Variants in ENPEP observed in about 807,000 individuals in gnomAD.
ENPEP encodes glutamyl aminopeptidase, also known as AP-A.
A neutral mutation model predicts 114.5 loss-of-function variants in ENPEP; 103 were observed. The ratio of observed to expected loss-of-function variants is 0.90; its 90% CI spans 0.77 to 1.06. The LOEUF is 1.06. ENPEP is among the 50% of genes least tolerant of loss of function. The pLI is 0.00. For missense variants in ENPEP, 1,196 were observed against 1,161.3 expected (o/e 1.03, Z -0.43); for synonymous variants, 420 against 422.0 (o/e 1.00, Z 0.06).
In ENPEP at chr4:110,553,965, T is replaced by C. The variant is rs566462486; in HGVS notation, c.2642+510T>C. Among the ~76,000 whole-genome samples the C allele has an allele frequency of 2.0e-5, 3 of 152,118 alleles. No homozygotes were observed. In the South Asian group the frequency reaches 6.2e-4, roughly 31 times the overall value. On this transcript the variant is annotated intron_variant, in intron 18 of 19. Coordinates refer to ENST00000265162, the MANE Select transcript of ENPEP (RefSeq NM_001977.4). ...ATTATATTTCCTAGGCAATAGAACT[T>C]TTAAAATGGGAAATAGCAAGGACAA...
At chr4:110,519,987 C>T (rs750149479) in intron 8 of ENPEP, 21 bp from the exon 9 acceptor site, 1 of 1,605,584 alleles carries the variant, frequency 6.2e-7, no homozygotes, top group Non-Finnish European at 8.5e-7. Flanking sequence ...TTCTAACATG[C>T]TGATTATTTT....
intron 14 of ENPEP, 115 bp downstream of exon 14, chr4:110,548,441 G>A (rs776017453): frequency 6.0e-6 from 5 of 826,666 alleles, no homozygotes; most frequent in Admixed American, 3.4e-5. Context: ...TTGCCAGGTG[G>A]AATCAAAAGA....
chr4:110,485,012 A>T (rs1362195937), intron 1 of ENPEP, among the ~76,000 whole-genome samples: 2 of 152,066 alleles, frequency 1.3e-5, no homozygotes, highest in Non-Finnish European at 2.9e-5. Context: ...TCTTGCAAGG[A>T]GTGACTTTTC....
intron 3 of ENPEP, among the ~76,000 whole-genome samples, chr4:110,503,168 C>T (rs918048531): frequency 1.2e-4 from 19 of 152,156 alleles, no homozygotes; most frequent in African/African-American, 3.9e-4. Flanking sequence ...GGTTTTTTGT[C>T]CTTGTGACAG....
chr4:110,518,551 C>G (rs535862272), intron 8 of ENPEP, among the ~76,000 whole-genome samples: 49 of 152,242 alleles, frequency 3.2e-4, no homozygotes, highest in African/African-American at 1.2e-3. Context: ...AAAATTAGTA[C>G]CTTTTAATAT....
chr4:110,561,420 T>C lies in ENPEP; in HGVS notation c.2736T>C (p.Phe912=). 1 of 1,613,834 alleles carries C rather than the reference T, an allele frequency of 6.2e-7. No individual in the cohort carries two copies. Among genetic ancestry groups the C allele is most frequent in the South Asian group, 1.1e-5 (1 of 91,040 alleles). The change falls in exon 20 of 20, where the codon TTT becomes TTC. Residue 912 remains phenylalanine, a synonymous_variant. Transcript: ENST00000265162. The part of the protein sequence containing the change: ...ELQLWQMESF[F]AKYPQAGAGE... The stretch of plus-strand genomic sequence containing the variant: ...CTCTTTTCTAGATGGAGAGCTTTTT[T>C]GCAAAATATCCACAAGCTGGAGCAG...
chr4:110,534,599 C>G (rs1726543418), intron 11 of ENPEP, among the ~76,000 whole-genome samples: 1 of 150,776 alleles, frequency 6.6e-6, no homozygotes, highest in Non-Finnish European at 1.5e-5. Flanking sequence ...CGTCCGCCCC[C>G]TGGGTTCAAG....
chr4:110,548,785 G>A (rs1727174693), intron 14 of ENPEP, among the ~76,000 whole-genome samples: 1 of 151,894 alleles, frequency 6.6e-6, no homozygotes, highest in Non-Finnish European at 1.5e-5. Flanking sequence ...TGTGATTTCT[G>A]TAGCACGTAA....
intron 6 of ENPEP, among the ~76,000 whole-genome samples, chr4:110,511,234 C>T (rs1281943263): frequency 6.6e-6 from 1 of 152,168 alleles, no homozygotes; most frequent in Non-Finnish European, 1.5e-5. Flanking sequence ...TAATTTACAA[C>T]AATTACTTCT....
intron 3 of ENPEP, among the ~76,000 whole-genome samples, chr4:110,491,420 C>G (rs1032989608): frequency 2.0e-5 from 3 of 152,070 alleles, no homozygotes; most frequent in Non-Finnish European, 4.4e-5. Flanking sequence ...AAGTCAAAAG[C>G]TAGCTCCTAA....
chr4:110,515,888 G>A, intron 8 of ENPEP: 1 of 433,164 alleles, frequency 2.3e-6, no homozygotes, highest in Non-Finnish European at 4.6e-6. Flanking sequence ...TCATAGCAGA[G>A]AGAGAGAGAG....
Position 110,513,519 on chromosome 4 carries a change from A to T in ENPEP, c.1413A>T (p.Thr471=). 1 of 1,613,332 alleles carries T rather than the reference A, an allele frequency of 6.2e-7. No individual in the cohort carries two copies. The highest frequency in any genetic ancestry group is 1.1e-5 in the South Asian group (1 of 91,024). Reference sequence around the variant, plus strand: ...CTGTGACAACCCCTGATGAAATAACATCTGTTTTTGATGGAATATCCTATA... The same window carrying T: ...CTGTGACAACCCCTGATGAAATAACTTCTGTTTTTGATGGAATATCCTATA... ...IVTVTTPDEI[T]SVFDGISYSK... is the part of the protein sequence containing the mutation. Residue 471 remains threonine (T), a synonymous_variant, in exon 7 of 20, where the codon ACA becomes ACT. Transcript: ENST00000265162.
In ENPEP at chr4:110,564,690, C is replaced by T. The variant is rs115019783; in HGVS notation, c.*3132C>T. On this transcript the variant is annotated 3_prime_UTR_variant, in exon 20 of 20. Transcript: ENST00000265162. Reference sequence around the variant, plus strand: ...TGTTATTGTTCATAAATAGTAATTGCCCTGGTCTGGAAGAGGATTCTATAT... The same window carrying T: ...TGTTATTGTTCATAAATAGTAATTGTCCTGGTCTGGAAGAGGATTCTATAT... 201 of 152,264 alleles carry T rather than the reference C, an allele frequency of 1.3e-3. No homozygotes were observed. The highest frequency in any genetic ancestry group is 4.7e-3 in the African/African-American group (197 of 41,532). The allele number at this position is 152,264 out of a possible 1,614,324, so 9.4% of individuals were successfully genotyped here.
At chr4:110,540,780 A>G (rs1726818321) in intron 11 of ENPEP, among the ~76,000 whole-genome samples, 1 of 152,166 alleles carries the variant, frequency 6.6e-6, no homozygotes. Flanking sequence ...TTTCATTATA[A>G]TGGGGATAGC....
At position 110,491,175 on chromosome 4, in the gene ENPEP, T is replaced by C. The variant is rs1289129018; in HGVS notation, c.918+11T>C. 5 of 1,581,704 alleles carry C rather than the reference T, an allele frequency of 3.2e-6. No individual in the cohort carries two copies. The highest frequency in any genetic ancestry group is 4.3e-6 in the Non-Finnish European group (5 of 1,171,164). ...AATAGTGGAAAACCTGTGAGTCTCATTATATTTTAAAAATTTACCACCTAT... is the reference window on the plus strand; with the variant it reads ...AATAGTGGAAAACCTGTGAGTCTCACTATATTTTAAAAATTTACCACCTAT... On this transcript the variant is annotated intron_variant, in intron 3 of 19. Coordinates refer to ENST00000265162, the MANE Select transcript of ENPEP (RefSeq NM_001977.4).
intron 19 of ENPEP, among the ~76,000 whole-genome samples, chr4:110,560,805 G>A (rs747338095): frequency 2.0e-5 from 3 of 152,186 alleles, no homozygotes; most frequent in Non-Finnish European, 4.4e-5. Context: ...AACAGGTAGA[G>A]ATTGTATGAA....
intron 17 of ENPEP, among the ~76,000 whole-genome samples, chr4:110,552,759 T>G (rs1007591073): frequency 1.3e-5 from 2 of 152,168 alleles, no homozygotes; most frequent in South Asian, 2.1e-4. Flanking sequence ...ATTTAGTCAT[T>G]TAATTTATCT....
chr4:110,476,448 T>A lies in ENPEP; in HGVS notation c.34T>A (p.Tyr12Asn), dbSNP rs1362732132. ...TGCGGAGAGAGAGGGCTCTAAGAGATACTGCATTCAAACGAAACATGTGGC... is the reference window on the plus strand; with the variant it reads ...TGCGGAGAGAGAGGGCTCTAAGAGAAACTGCATTCAAACGAAACATGTGGC... ...NFAEREGSKRYCIQTKHVAIL... is the reference protein window; with the variant it reads ...NFAEREGSKRNCIQTKHVAIL... Residue 12 changes from tyrosine to asparagine, a missense_variant, in exon 1 of 20, where the codon TAC becomes AAC. Coordinates refer to ENST00000265162, the MANE Select transcript of ENPEP (RefSeq NM_001977.4). 2 of 1,543,234 alleles carry A rather than the reference T, an allele frequency of 1.3e-6. No homozygotes were observed. The highest frequency in any genetic ancestry group is 2.7e-5 in the African/African-American group (2 of 73,154).
chr4:110,555,663 T>C (rs1377684856), intron 18 of ENPEP, among the ~76,000 whole-genome samples: 4 of 152,012 alleles, frequency 2.6e-5, no homozygotes, highest in Admixed American at 2.6e-4. Flanking sequence ...TGACAGTAGA[T>C]GAAAAACTAA....
Sources: allele counts gnomAD v4.1 joint callset (sites outside exome capture counted in the v4.1 genomes callset), GRCh38; gene constraint gnomAD v4.1.1; transcripts MANE v1.5; gene names NCBI Gene and HGNC (gene_info 2026-07-23, HGNC 2026-07-21).